Variants in RGS7 observed in about 807,000 individuals in gnomAD.
The protein encoded by RGS7 is regulator of G-protein signaling 7.
Under a neutral mutation model 81.1 loss-of-function variants are expected in RGS7, and 27 were observed. The observed-to-expected ratio is 0.33, with a 90% CI of 0.25 to 0.46. RGS7 has a LOEUF of 0.46. Among genes scored for constraint, RGS7 ranks in the 20% least tolerant of loss-of-function variants. The pLI is 1.00. For missense variants in RGS7, 396 were observed against 607.4 expected (o/e 0.65, Z 3.66); for synonymous variants, 208 against 207.7 (o/e 1.00, Z -0.01).
intron 6 of RGS7, among the ~76,000 whole-genome samples, chr1:240,907,631 G>A (rs1346583194): frequency 2.0e-5 from 3 of 152,102 alleles, no homozygotes; most frequent in African/African-American, 4.8e-5. Flanking sequence ...TGCAGCAGAG[G>A]CAGAATGTTT....
At chr1:240,801,534 T>G in intron 16 of RGS7, 26 bp from the exon 17 acceptor site, 1 of 1,498,538 alleles carries the variant, frequency 6.7e-7, no homozygotes, top group South Asian at 1.1e-5. Flanking sequence ...TAGGATAGGA[T>G]GAAGGGAAAT....
At chr1:240,956,875 T>C (rs568254375) in intron 4 of RGS7, among the ~76,000 whole-genome samples, 21 of 151,508 alleles carry the variant, frequency 1.4e-4, no homozygotes, top group Admixed American at 3.9e-4. Context: ...GTTAAACAAA[T>C]CCTAATTCAG....
intron 2 of RGS7, 28 bp from the exon 3 acceptor site, chr1:241,098,790 T>C: frequency 6.5e-7 from 1 of 1,533,558 alleles, no homozygotes; most frequent in Admixed American, 1.7e-5. Flanking sequence ...AATTAAAACC[T>C]TTATAAAGTT....
At chr1:240,870,004 T>C in intron 7 of RGS7, 51 bp downstream of exon 7, 2 of 1,436,246 alleles carry the variant, frequency 1.4e-6, no homozygotes, top group Non-Finnish European at 2.0e-6. Flanking sequence ...CTGTGGGCCT[T>C]ACTGCTGTGC....
chr1:241,282,327 TGTAA>T (rs941650960), intron 2 of RGS7, among the ~76,000 whole-genome samples: 24 of 152,218 alleles, frequency 1.6e-4, no homozygotes, highest in African/African-American at 5.3e-4. Flanking sequence ...AAAAGACAAT[TGTAA>T]GTGGTATGTA....
At chr1:240,900,505 C>T (rs261801) in intron 6 of RGS7, among the ~76,000 whole-genome samples, 147,798 of 152,286 alleles carry the variant, frequency 0.97, 71,740 homozygotes, top group East Asian at 1. Flanking sequence ...TTAGTTTTCC[C>T]TCTAACGGTC....
chr1:241,352,809 C>T (rs919620049), intron 2 of RGS7, among the ~76,000 whole-genome samples: 8 of 152,206 alleles, frequency 5.3e-5, no homozygotes, highest in Non-Finnish European at 1.0e-4. Context: ...ATAGTGATAA[C>T]GAGAGAAACA....
At chr1:241,285,082 G>A (rs1573505548) in intron 2 of RGS7, among the ~76,000 whole-genome samples, 1 of 152,220 alleles carries the variant, frequency 6.6e-6, no homozygotes, top group Non-Finnish European at 1.5e-5. Context: ...ATATTTGCCA[G>A]GATGGTCTCG....
chr1:241,135,449 A>C (rs1162834895), intron 2 of RGS7, among the ~76,000 whole-genome samples: 1 of 151,960 alleles, frequency 6.6e-6, no homozygotes, highest in Non-Finnish European at 1.5e-5. Flanking sequence ...AAAAAACAAA[A>C]AAAGCAGCAT....
chr1:241,232,499 A>T (rs997358406), intron 2 of RGS7, among the ~76,000 whole-genome samples: 1 of 152,094 alleles, frequency 6.6e-6, no homozygotes, highest in East Asian at 1.9e-4. Context: ...GAGCCACTGC[A>T]CTGGGCTTAT....
intron 2 of RGS7, among the ~76,000 whole-genome samples, chr1:241,169,957 T>A (rs557455009): frequency 1.3e-5 from 2 of 152,046 alleles, no homozygotes; most frequent in Non-Finnish European, 2.9e-5. Flanking sequence ...AATAAAAGAA[T>A]ATACTCAGAT....
chr1:241,148,106 T>C (rs2068487615), intron 2 of RGS7, among the ~76,000 whole-genome samples: 1 of 147,456 alleles, frequency 6.8e-6, no homozygotes, highest in African/African-American at 2.5e-5. Flanking sequence ...GGCTGGAGTA[T>C]AGTGTGCTAT....
At chr1:240,936,793 T>C in intron 4 of RGS7, 87 bp from the exon 5 acceptor site, 1 of 975,794 alleles carries the variant, frequency 1.0e-6, no homozygotes, top group Non-Finnish European at 1.6e-6. Context: ...GTGGTTCCTT[T>C]TGTCAGATAC....
chr1:241,131,583 TCTGGGAGCTG>T (rs149436331), intron 2 of RGS7, among the ~76,000 whole-genome samples: 2,219 of 152,314 alleles, frequency 0.015, 51 homozygotes, highest in African/African-American at 0.051. Flanking sequence ...TAGATATATG[TCTGGGAGCTG>T]GGGGCAAAGT....
intron 2 of RGS7, among the ~76,000 whole-genome samples, chr1:241,173,266 A>T (rs1317732762): frequency 6.6e-6 from 1 of 152,130 alleles, no homozygotes; most frequent in African/African-American, 2.4e-5. Context: ...GTGAATCTTC[A>T]TACTTTGATT....
intron 2 of RGS7, among the ~76,000 whole-genome samples, chr1:241,347,870 T>C (rs948044994): frequency 2.6e-5 from 4 of 152,174 alleles, no homozygotes; most frequent in Non-Finnish European, 5.9e-5. Context: ...TGGTCTATGG[T>C]CTTCCTTTAA....
chr1:241,226,923 G>C (rs572784618), intron 2 of RGS7, among the ~76,000 whole-genome samples: 5 of 152,062 alleles, frequency 3.3e-5, no homozygotes, highest in Admixed American at 3.3e-4. Flanking sequence ...TTTTTTCTCT[G>C]ATGCTTTCAT....
At chr1:241,147,299 T>C (rs2068380935) in intron 2 of RGS7, among the ~76,000 whole-genome samples, 1 of 152,180 alleles carries the variant, frequency 6.6e-6, no homozygotes, top group South Asian at 2.1e-4. Context: ...CCACACTTAT[T>C]TGTAGCCAGT....
chr1:241,257,520 A>C (rs2077109315), intron 2 of RGS7, among the ~76,000 whole-genome samples: 1 of 152,226 alleles, frequency 6.6e-6, no homozygotes, highest in South Asian at 2.1e-4. Context: ...CAGTCAATGA[A>C]ATAAAAATTT....
Sources: gnomAD v4.1 joint callset for allele counts (sites outside exome capture counted in the v4.1 genomes callset) on GRCh38, gnomAD v4.1.1 for gene constraint, MANE v1.5 for transcripts, NCBI Gene and HGNC (gene_info 2026-07-23, HGNC 2026-07-21) for gene names.